SATB2: variants seen among roughly 807,000 people sequenced by gnomAD.
SATB2 encodes DNA-binding protein SATB2.
SATB2 carries 1 observed loss-of-function variant against 73.4 expected under a neutral mutation model. The observed-to-expected ratio is 0.01, with a 90% CI of 0.00 to 0.06. The LOEUF is 0.06. Among genes scored for constraint, SATB2 ranks in the 10% least tolerant of loss-of-function variants. SATB2 has a pLI of 1.00. For synonymous variants in SATB2, 397 were observed against 367.0 expected (o/e 1.08, Z -0.93); for missense variants, 459 against 945.8 (o/e 0.49, Z 6.75).
At chr2:199,447,572 C>CA (rs1381540842) in intron 2 of SATB2, among the ~76,000 whole-genome samples, 15 of 148,782 alleles carry the variant, frequency 1.0e-4, no homozygotes, top group East Asian at 7.9e-4. Context: ...TTTACAGAGA[C>CA]AAAAAAAAAG....
intron 3 of SATB2, among the ~76,000 whole-genome samples, chr2:199,423,444 C>T (rs1436843507): frequency 6.6e-6 from 1 of 151,950 alleles, no homozygotes; most frequent in African/African-American, 2.4e-5. Flanking sequence ...TAAAATTCAA[C>T]CACCTATCTT....
rs187339038 is a variant in SATB2, at chr2:199,315,646, T to C, written c.1543-6689A>G. Among the ~76,000 whole-genome samples the C allele has an allele frequency of 1.1e-4, 17 of 152,180 alleles. No individual in the cohort carries two copies. The East Asian group carries it at 3.3e-3, about 29-fold the overall frequency. ...TTTCCTTAAAAAACATTGGTCTAGGTTTATGACTAATTTTCCAGTTTTTAC... is the reference window on the plus strand; with the variant it reads ...TTTCCTTAAAAAACATTGGTCTAGGCTTATGACTAATTTTCCAGTTTTTAC... On this transcript the variant is annotated intron_variant, in intron 9 of 10. Transcript: ENST00000417098.
intron 5 of SATB2, among the ~76,000 whole-genome samples, chr2:199,371,548 A>C (rs2105853752): frequency 6.6e-6 from 1 of 152,316 alleles, no homozygotes; most frequent in South Asian, 2.1e-4. Context: ...CTGATAAGAT[A>C]CAGTTGATGC....
At chr2:199,338,107 T>C (rs1380365521) in intron 7 of SATB2, among the ~76,000 whole-genome samples, 1 of 152,176 alleles carries the variant, frequency 6.6e-6, no homozygotes, top group Non-Finnish European at 1.5e-5. Flanking sequence ...CTCACGCCTA[T>C]AATCCCAGCA....
In SATB2 at chr2:199,272,172, C is replaced by G; in HGVS notation, c.*39G>C. 4.4e-6 allele frequency: 7 copies of G among 1,577,428 alleles called. No individual in the cohort carries two copies. The highest frequency in any genetic ancestry group is 6.1e-6 in the Non-Finnish European group (7 of 1,148,028). On this transcript the variant is annotated 3_prime_UTR_variant, in exon 11 of 11. Coordinates refer to ENST00000417098, the MANE Select transcript of SATB2 (RefSeq NM_001172509.2). The surrounding 1 kb of genome is among the most constrained non-coding windows in gnomAD (Gnocchi z 6.7). ...TTTAAAGAAATGAAAGCAGAAAATC[C>G]TTGGACCGATGTATTGCTTTGCCTA...
chr2:199,322,398 C>T (rs1438463601), intron 9 of SATB2, among the ~76,000 whole-genome samples: 1 of 152,066 alleles, frequency 6.6e-6, no homozygotes, highest in East Asian at 1.9e-4. Context: ...ACAGCTCCAA[C>T]TCTCATTATA....
chr2:199,371,850 A>G (rs1689457648), intron 5 of SATB2, among the ~76,000 whole-genome samples: 1 of 152,196 alleles, frequency 6.6e-6, no homozygotes, highest in African/African-American at 2.4e-5. Context: ...GTGTATTGCT[A>G]TTTTTAACAC....
intron 3 of SATB2, among the ~76,000 whole-genome samples, chr2:199,394,234 G>A (rs1300885504): frequency 6.6e-6 from 1 of 152,088 alleles, no homozygotes; most frequent in African/African-American, 2.4e-5. Context: ...GAAGCCCATA[G>A]CATAAACCAC....
At chr2:199,323,334 C>T (rs1299143430) in intron 9 of SATB2, among the ~76,000 whole-genome samples, 2 of 152,046 alleles carry the variant, frequency 1.3e-5, no homozygotes, top group African/African-American at 4.8e-5. Flanking sequence ...CACCTGACAT[C>T]AAAAGGTGTC....
chr2:199,416,495 G>A (rs1454065127), intron 3 of SATB2, among the ~76,000 whole-genome samples: 1 of 152,116 alleles, frequency 6.6e-6, no homozygotes, highest in Non-Finnish European at 1.5e-5. Flanking sequence ...TTCTTCAAAT[G>A]CTATGTTTAC....
At chr2:199,414,705 T>C (rs1347579332) in intron 3 of SATB2, among the ~76,000 whole-genome samples, 2 of 152,106 alleles carry the variant, frequency 1.3e-5, no homozygotes, top group Non-Finnish European at 2.9e-5. Flanking sequence ...TTCCTGCTTG[T>C]CACGGGCCCC....
chr2:199,384,322 C>A (rs1295096462), intron 3 of SATB2, among the ~76,000 whole-genome samples: 3 of 152,164 alleles, frequency 2.0e-5, no homozygotes, highest in Non-Finnish European at 2.9e-5. Context: ...TCCTTTTTTG[C>A]ACCTTATTAA....
intron 7 of SATB2, among the ~76,000 whole-genome samples, chr2:199,341,028 C>G (rs1318535564): frequency 6.6e-6 from 1 of 152,120 alleles, no homozygotes; most frequent in African/African-American, 2.4e-5. Flanking sequence ...TATTATAGGT[C>G]AGTGGGCATT....
intron 9 of SATB2, among the ~76,000 whole-genome samples, chr2:199,322,138 G>C (rs1015680959): frequency 4.6e-5 from 7 of 152,190 alleles, no homozygotes; most frequent in Non-Finnish European, 7.3e-5. Flanking sequence ...AAGATTACAG[G>C]CTTTTGGAAT....
At position 199,402,124 on chromosome 2, in the gene SATB2, C is replaced by T. The variant is rs1336074723; in HGVS notation, c.347-20304G>A. 3.3e-5 allele frequency among the ~76,000 whole-genome samples: 5 copies of T among 152,150 alleles called. No homozygotes were observed. The South Asian group carries it at 1.0e-3, about 32-fold the overall frequency. On this transcript the variant is annotated intron_variant, in intron 3 of 10. Transcript: ENST00000417098. ...ATTATTGGCTGGGCACGGTGGCTCACACCCGTAATCCCAGCACTTTGGGAG... is the reference window on the plus strand; with the variant it reads ...ATTATTGGCTGGGCACGGTGGCTCATACCCGTAATCCCAGCACTTTGGGAG...
intron 10 of SATB2, among the ~76,000 whole-genome samples, chr2:199,281,249 T>C (rs1284142661): frequency 6.2e-5 from 2 of 32,168 alleles, no homozygotes; most frequent in Non-Finnish European, 2.6e-4. Context: ...AAAAAAAGCA[T>C]GTGTGTATGT....
chr2:199,396,921 G>A (rs1303098225), intron 3 of SATB2: 8 of 152,076 alleles, frequency 5.3e-5, no homozygotes, highest in Non-Finnish European at 1.2e-4. Flanking sequence ...CAGAGGGAGA[G>A]ACAGAAGATG....
chr2:199,438,269 A>G (rs2105934525), intron 2 of SATB2, among the ~76,000 whole-genome samples: 1 of 152,314 alleles, frequency 6.6e-6, no homozygotes, highest in South Asian at 2.1e-4. Flanking sequence ...AGTATCAGAG[A>G]GCACTGTTCT....
chr2:199,302,236 T>C (rs1042333456), intron 10 of SATB2, among the ~76,000 whole-genome samples: 1 of 152,146 alleles, frequency 6.6e-6, no homozygotes, highest in African/African-American at 2.4e-5. Flanking sequence ...TTTGTGATTA[T>C]CACTAAAGGA....
Sources: allele counts gnomAD v4.1 joint callset (sites outside exome capture counted in the v4.1 genomes callset), GRCh38; gene constraint gnomAD v4.1.1; non-coding constraint Gnocchi (gnomAD v3.1); transcripts MANE v1.5; gene names NCBI Gene and HGNC (gene_info 2026-07-23, HGNC 2026-07-21).